LRRK2: variants seen among roughly 807,000 people sequenced by gnomAD.
LRRK2 encodes leucine-rich repeat serine/threonine-protein kinase 2.
Under a neutral mutation model 302.6 loss-of-function variants are expected in LRRK2, and 203 were observed. That is an observed-to-expected ratio of 0.67 (90% CI 0.60 to 0.75). The LOEUF (loss-of-function observed/expected upper bound fraction) is 0.75, where lower values mean the gene tolerates loss of function less well. Among genes scored for constraint, LRRK2 ranks in the 30% least tolerant of loss-of-function variants. The pLI is 0.00. For missense variants in LRRK2, 2,830 were observed against 2,951.0 expected (o/e 0.96, Z 0.95); for synonymous variants, 1,066 against 1,031.9 (o/e 1.03, Z -0.63).
chr12:40,295,379 T>G (rs746725507), intron 22 of LRRK2, 48 bp from the exon 23 acceptor site: 10 of 1,559,864 alleles, frequency 6.4e-6, no homozygotes, highest in Non-Finnish European at 8.8e-6. Flanking sequence ...CTACATGAAT[T>G]TAAATTATTT....
intron 11 of LRRK2, among the ~76,000 whole-genome samples, chr12:40,256,772 G>A (rs1388141544): frequency 2.0e-5 from 3 of 152,190 alleles, no homozygotes; most frequent in Non-Finnish European, 4.4e-5. Context: ...GTGAATGGTC[G>A]ATACCTCCAC....
At chr12:40,338,801 A>G (rs1006680811) in intron 40 of LRRK2, among the ~76,000 whole-genome samples, 17 of 152,204 alleles carry the variant, frequency 1.1e-4, no homozygotes, top group Non-Finnish European at 2.2e-4. Flanking sequence ...TTTGGATACT[A>G]TTCAATGATG....
At chr12:40,256,341 G>A (rs1038839775) in intron 11 of LRRK2, among the ~76,000 whole-genome samples, 3 of 152,102 alleles carry the variant, frequency 2.0e-5, no homozygotes, top group Admixed American at 6.6e-5. Context: ...CTGGTACTTG[G>A]AGGCTGAGAC....
At chr12:40,300,081 T>C (rs1944567994) in intron 25 of LRRK2, among the ~76,000 whole-genome samples, 1 of 152,190 alleles carries the variant, frequency 6.6e-6, no homozygotes, top group Admixed American at 6.5e-5. Context: ...GATATTGTTT[T>C]TCATACTGAA....
intron 33 of LRRK2, among the ~76,000 whole-genome samples, chr12:40,317,791 G>C (rs1945270715): frequency 6.6e-6 from 1 of 152,106 alleles, no homozygotes; most frequent in Non-Finnish European, 1.5e-5. Context: ...AGGTGATAAA[G>C]TCAAGATAAT....
At chr12:40,310,696 T>G (rs1027258812) in intron 31 of LRRK2, 47 bp downstream of exon 31, 2 of 1,579,094 alleles carry the variant, frequency 1.3e-6, no homozygotes, top group Non-Finnish European at 1.7e-6. Context: ...GATTCTCAAC[T>G]GCCTAGAAAT....
intron 8 of LRRK2, among the ~76,000 whole-genome samples, chr12:40,250,903 T>C (rs560356204): frequency 3.0e-4 from 45 of 152,278 alleles, no homozygotes; most frequent in Non-Finnish European, 4.9e-4. Context: ...TTATCTAGTC[T>C]ATCATTGATG....
rs751263185 is a variant in LRRK2 at position 40,309,151 on chromosome 12, G to A, written c.4235G>A (p.Arg1412Gln). The change falls in exon 30 of 51, where the codon CGA becomes CAA. Residue 1412 changes from arginine (R) to glutamine (Q), a missense_variant. Around this residue, in one of 3 missense-constraint regions of LRRK2, gnomAD observed 2,121 missense variants for 2,148.0 expected, o/e 0.99. Coordinates refer to ENST00000298910, the MANE Select transcript of LRRK2 (RefSeq NM_198578.4). The stretch of plus-strand genomic sequence containing the variant: ...ACTCATCCCCATTTTATGACGCAGC[G>A]AGCATTGTACCTTGCTGTCTATGAC... ...YSTHPHFMTQRALYLAVYDLS... is the reference protein window; with the variant it reads ...YSTHPHFMTQQALYLAVYDLS... 4 of 1,613,626 alleles carry A rather than the reference G, an allele frequency of 2.5e-6. No individual in the cohort carries two copies. Among genetic ancestry groups the A allele is most frequent in the Admixed American group, 1.7e-5 (1 of 59,962 alleles).
rs35507033 is a variant in LRRK2 at position 40,313,976 on chromosome 12, G to C, written c.4541G>C (p.Arg1514Pro). The C allele has an allele frequency of 1.2e-6, 2 of 1,609,918 alleles. No individual in the cohort carries two copies. The highest frequency in any genetic ancestry group is 1.7e-6 in the Non-Finnish European group (2 of 1,178,108). ...TTGTCATTTGTAATTTCATAGATCC[G>C]AGATCAGCTTGTTGTTGGACAGCTG... ...IINESLNFKI[R>P]DQLVVGQLIP... The change falls in exon 32 of 51, where the codon CGA becomes CCA. Residue 1514 changes from arginine (R) to proline (P), a missense_variant. Arg to Pro is a moderately radical substitution (Grantham distance 103, BLOSUM62 -2). Transcript: ENST00000298910.
chr12:40,330,137 C>T (rs1023162417), intron 39 of LRRK2, among the ~76,000 whole-genome samples: 3 of 152,182 alleles, frequency 2.0e-5, no homozygotes, highest in Non-Finnish European at 4.4e-5. Flanking sequence ...TGGATTCCAT[C>T]CATTCTCTTG....
At chr12:40,316,676 G>A (rs1945232965) in intron 33 of LRRK2, among the ~76,000 whole-genome samples, 1 of 152,010 alleles carries the variant, frequency 6.6e-6, no homozygotes, top group African/African-American at 2.4e-5. Context: ...AGGGGTAAAT[G>A]TTAGCTAATT....
At chr12:40,359,030 GT>G (rs17491722) in intron 46 of LRRK2, among the ~76,000 whole-genome samples, 49 of 151,724 alleles carry the variant, frequency 3.2e-4, no homozygotes, top group African/African-American at 1.2e-3. Context: ...TGTTGTTGTT[GT>G]TGTATAGATA....
At chr12:40,249,060 C>G (rs953062509) in intron 7 of LRRK2, among the ~76,000 whole-genome samples, 2 of 152,146 alleles carry the variant, frequency 1.3e-5, no homozygotes, top group African/African-American at 4.8e-5. Flanking sequence ...TTTTCCATTT[C>G]TGGCTTTGTA....
intron 40 of LRRK2, among the ~76,000 whole-genome samples, chr12:40,337,717 T>C (rs1945917208): frequency 6.6e-6 from 1 of 152,254 alleles, no homozygotes; most frequent in African/African-American, 2.4e-5. Context: ...TGCAATTCCT[T>C]GACAGTTCTC....
intron 16 of LRRK2, among the ~76,000 whole-genome samples, chr12:40,276,035 A>G (rs1353889273): frequency 6.6e-6 from 1 of 152,220 alleles, no homozygotes; most frequent in African/African-American, 2.4e-5. Context: ...AAAAAATTAT[A>G]AAGTTATGAA....
intron 13 of LRRK2, among the ~76,000 whole-genome samples, chr12:40,260,303 G>A (rs1003792495): frequency 1.3e-5 from 2 of 151,948 alleles, no homozygotes; most frequent in African/African-American, 4.8e-5. Flanking sequence ...GCGTGAGAGA[G>A]GCGATGATAG....
At chr12:40,349,762 C>G (rs1204717805) in intron 43 of LRRK2, among the ~76,000 whole-genome samples, 1 of 152,218 alleles carries the variant, frequency 6.6e-6, no homozygotes, top group Non-Finnish European at 1.5e-5. Context: ...AGCAATCCTC[C>G]CGCCTAGGCC....
chr12:40,366,408 TA>T (rs1156260432), intron 49 of LRRK2: 1 of 152,014 alleles, frequency 6.6e-6, no homozygotes, highest in Non-Finnish European at 1.5e-5. Context: ...ATCATGGTCA[TA>T]TTTTTTTTTC....
rs763902943 is a variant in LRRK2, at chr12:40,240,524, T to C, written c.613T>C (p.Tyr205His). ...GACTGAATTTGTTGAGAACAAAGAT[T>C]ATATGATATTGTTAAGTGCGTTAAC... The part of the protein sequence containing the change: ...QLTEFVENKD[Y>H]MILLSALTNF... The change falls in exon 6 of 51, where the codon TAT (tyrosine) becomes CAT (histidine). Residue 205 changes from tyrosine (Y) to histidine (H), a missense_variant. By Grantham distance (83) the Tyr-to-His change is moderately conservative. Around this residue, in one of 3 missense-constraint regions of LRRK2, gnomAD observed 2,121 missense variants for 2,148.0 expected, o/e 0.99. Coordinates refer to ENST00000298910, the MANE Select transcript of LRRK2 (RefSeq NM_198578.4). 3 of 1,613,134 alleles carry C rather than the reference T, an allele frequency of 1.9e-6. No homozygotes were observed. Among genetic ancestry groups the C allele is most frequent in the East Asian group, 4.5e-5 (2 of 44,778 alleles).
Sources: gnomAD v4.1 joint callset for allele counts (sites outside exome capture counted in the v4.1 genomes callset) on GRCh38, gnomAD v4.1.1 for gene constraint, gnomAD v4.1.1 regional missense constraint, MANE v1.5 for transcripts, NCBI Gene and HGNC (gene_info 2026-07-23, HGNC 2026-07-21) for gene names.